Variants in MTF1 observed in about 807,000 individuals in gnomAD.
The protein encoded by MTF1 is metal regulatory transcription factor 1.
A neutral mutation model predicts 70.4 loss-of-function variants in MTF1; 22 were observed. That is an observed-to-expected ratio of 0.31 (90% CI 0.22 to 0.45). MTF1 has a LOEUF of 0.45. Ranked by LOEUF, MTF1 falls within the 20% of genes least tolerant of loss-of-function variation. The probability of loss-of-function intolerance (pLI) is 1.00; values close to 1 mark genes in which losing one functional copy is unlikely to be tolerated. For synonymous variants in MTF1, 333 were observed against 352.8 expected (o/e 0.94, Z 0.63); for missense variants, 649 against 922.0 (o/e 0.70, Z 3.83).
intron 4 of MTF1, 59 bp from the exon 5 acceptor site, chr1:37,835,803 C>T (rs1306798765): frequency 4.5e-6 from 6 of 1,324,182 alleles, no homozygotes; most frequent in East Asian, 4.6e-5. Flanking sequence ...TTATCCTGAA[C>T]GTCTTTTTTT....
intron 2 of MTF1, among the ~76,000 whole-genome samples, chr1:37,856,906 C>T (rs1018999733): frequency 6.6e-6 from 1 of 152,164 alleles, no homozygotes; most frequent in Non-Finnish European, 1.5e-5. Context: ...ATAGTTATTT[C>T]TTCATCAAAT....
At position 37,839,996 on chromosome 1, in the gene MTF1, C is replaced by A; in HGVS notation, c.571G>T (p.Val191Leu). 1 of 1,614,232 alleles carries A rather than the reference C, an allele frequency of 6.2e-7. No homozygotes were observed. Among genetic ancestry groups the A allele is most frequent in the Non-Finnish European group, 8.5e-7 (1 of 1,180,042 alleles). ...FLTSYSLRIH[V>L]RVHTKEKPFE... ...GGCTTCTCCTTCGTGTGCACTCGCA[C>A]GTGGATCCTGAGGCTGTAAGAGGTA... Residue 191 changes from valine to leucine, a missense_variant, in exon 3 of 11, where the codon GTG becomes TTG. By Grantham distance (32) the Val-to-Leu change is conservative. Around this residue, in one of 7 missense-constraint regions of MTF1, gnomAD observed 118 missense variants for 287.2 expected, o/e 0.41. Transcript: ENST00000373036.
At chr1:37,816,321 G>A (rs1640817926) in intron 10 of MTF1, among the ~76,000 whole-genome samples, 1 of 152,072 alleles carries the variant, frequency 6.6e-6, no homozygotes. Context: ...GGATTCTCTT[G>A]AGCCCAGGTG....
rs372191649 is a variant in MTF1 at position 37,835,160 on chromosome 1, T to C, written c.909A>G (p.Gln303=). ...SNGCEKTFST[Q]YSLKSHMKGH... ...CTTTCATGTGACTTTTGAGACTGTA[T>C]TGAGTGCTGAATGTTTTCTCACAGC... Residue 303 remains glutamine (Q), a synonymous_variant, in exon 6 of 11, where the codon CAA becomes CAG. Transcript: ENST00000373036. The C allele has an allele frequency of 1.4e-5, 22 of 1,613,766 alleles. No homozygotes were observed. Among genetic ancestry groups the C allele is most frequent in the Middle Eastern group, 1.6e-4 (1 of 6,062 alleles).
chr1:37,826,729 A>T (rs544080589), intron 7 of MTF1: 2 of 375,692 alleles, frequency 5.3e-6, no homozygotes, highest in African/African-American at 2.1e-5. Context: ...CTGTAATCCC[A>T]GCACTGTGTG....
chr1:37,825,050 C>T (rs1477099150), intron 7 of MTF1, among the ~76,000 whole-genome samples: 4 of 152,098 alleles, frequency 2.6e-5, no homozygotes, highest in East Asian at 1.9e-4. Flanking sequence ...CCCTACAGTT[C>T]GTAGGGCAAG....
intron 2 of MTF1, among the ~76,000 whole-genome samples, chr1:37,853,484 T>C (rs879921532): frequency 1.3e-5 from 2 of 152,232 alleles, no homozygotes; most frequent in Non-Finnish European, 2.9e-5. Context: ...AATGGAAGAA[T>C]GGAGTAGCTC....
chr1:37,810,728 A>G lies in MTF1; in HGVS notation c.*4408T>C, dbSNP rs1257212852. On this transcript the variant is annotated 3_prime_UTR_variant, in exon 11 of 11. Transcript: ENST00000373036. Reference sequence around the variant, plus strand: ...AAAATCCTTCTGCTTTGGCTGAAGTATATTCTAAAACTTGTCTATTCTATA... The same window carrying G: ...AAAATCCTTCTGCTTTGGCTGAAGTGTATTCTAAAACTTGTCTATTCTATA... 2.0e-5 allele frequency: 3 copies of G among 152,254 alleles called. No individual in the cohort carries two copies. The highest frequency in any genetic ancestry group is 7.2e-5 in the African/African-American group (3 of 41,472). 9.4% of individuals were successfully genotyped at this position (152,254 alleles called of 1,614,324 possible). A position where few individuals can be genotyped will look rare whatever the true frequency, so the allele number is the denominator to read the frequency against.
At chr1:37,835,835 C>G (rs1641160440) in intron 4 of MTF1, 91 bp from the exon 5 acceptor site, 4 of 1,119,804 alleles carry the variant, frequency 3.6e-6, no homozygotes, top group East Asian at 2.5e-5. Flanking sequence ...GAGTCTCGCT[C>G]TGTCCCCAAG....
chr1:37,851,050 A>G (rs149274280), intron 2 of MTF1, among the ~76,000 whole-genome samples: 158 of 152,332 alleles, frequency 1.0e-3, no homozygotes, highest in African/African-American at 3.3e-3. Context: ...TTCAGGCCAA[A>G]TAAGTGGATT....
chr1:37,838,075 T>C (rs188765063), intron 4 of MTF1, among the ~76,000 whole-genome samples: 12 of 152,330 alleles, frequency 7.9e-5, no homozygotes, highest in Admixed American at 1.3e-4. Flanking sequence ...TGCTCCTATA[T>C]GTTTGTGTAT....
chr1:37,815,379 G>C lies in MTF1; in HGVS notation c.2019C>G (p.Leu673=). ...PQAPDGPSLQ[L]PAQTFSSAPV... is the part of the protein sequence containing the mutation. Reference sequence around the variant, plus strand: ...GGGCTGAAGAGAAAGTCTGCGCTGGGAGCTGCAGGCTGGGCCCATCAGGAG... The same window carrying C: ...GGGCTGAAGAGAAAGTCTGCGCTGGCAGCTGCAGGCTGGGCCCATCAGGAG... Residue 673 remains leucine, a synonymous_variant, in exon 11 of 11, where the codon CTC becomes CTG. Coordinates refer to ENST00000373036, the MANE Select transcript of MTF1 (RefSeq NM_005955.3). This position sits in a 1 kb window ranked among gnomAD's most constrained non-coding sequence, Gnocchi z 4.5. 1 of 1,614,124 alleles carries C rather than the reference G, an allele frequency of 6.2e-7. No individual in the cohort carries two copies. The highest frequency in any genetic ancestry group is 8.5e-7 in the Non-Finnish European group (1 of 1,180,038).
intron 1 of MTF1, 40 bp from the exon 2 acceptor site, chr1:37,857,749 G>T: frequency 1.6e-6 from 2 of 1,231,368 alleles, no homozygotes; most frequent in South Asian, 2.8e-5. Flanking sequence ...CATACCACAA[G>T]ACCGACGGAC....
chr1:37,821,989 G>T (rs1640917112), intron 9 of MTF1, 132 bp downstream of exon 9: 4 of 719,672 alleles, frequency 5.6e-6, no homozygotes, highest in Admixed American at 3.0e-5. Flanking sequence ...TGTGGAAAAT[G>T]ACTAAAAGGT....
At chr1:37,854,772 C>T (rs970568560) in intron 2 of MTF1, among the ~76,000 whole-genome samples, 1 of 152,076 alleles carries the variant, frequency 6.6e-6, no homozygotes, top group Admixed American at 6.6e-5. Flanking sequence ...TTTAAAAGGA[C>T]TCTGGGGCCG....
chr1:37,822,871 G>C (rs755827656), intron 8 of MTF1, among the ~76,000 whole-genome samples, 155 bp from the exon 9 acceptor site: 2 of 152,118 alleles, frequency 1.3e-5, no homozygotes, highest in Non-Finnish European at 2.9e-5. Flanking sequence ...TTCATTTAGT[G>C]ACACCTCTGG....
intron 4 of MTF1, among the ~76,000 whole-genome samples, chr1:37,837,177 C>T (rs1641183631): frequency 6.6e-6 from 1 of 152,164 alleles, no homozygotes; most frequent in Admixed American, 6.5e-5. Flanking sequence ...CTTCCCACCT[C>T]AGCCTCCTAA....
chr1:37,821,094 T>G (rs936120377), intron 9 of MTF1, among the ~76,000 whole-genome samples: 3 of 151,992 alleles, frequency 2.0e-5, no homozygotes, highest in Non-Finnish European at 4.4e-5. Flanking sequence ...GAAGATGGCT[T>G]GAGCTCAAGA....
At chr1:37,857,065 G>A (rs1380329445) in intron 2 of MTF1, among the ~76,000 whole-genome samples, 186 bp downstream of exon 2, 1 of 152,168 alleles carries the variant, frequency 6.6e-6, no homozygotes, top group Admixed American at 6.5e-5. Flanking sequence ...AAATTTCAAT[G>A]TGGCTATACA....
Sources: gnomAD v4.1 joint callset for allele counts (sites outside exome capture counted in the v4.1 genomes callset) on GRCh38, gnomAD v4.1.1 for gene constraint, gnomAD v4.1.1 regional missense constraint, Gnocchi (gnomAD v3.1) non-coding constraint, MANE v1.5 for transcripts, NCBI Gene and HGNC (gene_info 2026-07-23, HGNC 2026-07-21) for gene names.